DLG2: variants seen among roughly 807,000 people sequenced by gnomAD.
DLG2 encodes discs large MAGUK scaffold protein 2.
In DLG2, 45 loss-of-function variants were observed where a neutral mutation model predicts 132.5. That is an observed-to-expected ratio of 0.34 (90% CI 0.27 to 0.44). The LOEUF (loss-of-function observed/expected upper bound fraction) is 0.44. Ranked by LOEUF, DLG2 falls within the 20% of genes least tolerant of loss-of-function variation. The probability of loss-of-function intolerance (pLI) is 1.00; values close to 1 mark genes in which losing one functional copy is unlikely to be tolerated. For synonymous variants in DLG2, 424 were observed against 419.6 expected (o/e 1.01, Z -0.13); for missense variants, 1,045 against 1,196.9 (o/e 0.87, Z 1.87).
intron 7 of DLG2, among the ~76,000 whole-genome samples, chr11:84,402,778 A>T (rs2098834379): frequency 6.6e-6 from 1 of 150,518 alleles, no homozygotes; most frequent in African/African-American, 2.4e-5. Flanking sequence ...GCTACTCGGG[A>T]GGCTGAGGCA....
At chr11:85,056,939 A>G (rs2063522168) in intron 6 of DLG2, among the ~76,000 whole-genome samples, 1 of 151,934 alleles carries the variant, frequency 6.6e-6, no homozygotes, top group Non-Finnish European at 1.5e-5. Flanking sequence ...ATTTTAAAAA[A>G]TACTAAAGAG....
At chr11:83,705,547 A>T (rs1467503507) in intron 18 of DLG2, among the ~76,000 whole-genome samples, 1 of 152,150 alleles carries the variant, frequency 6.6e-6, no homozygotes, top group Non-Finnish European at 1.5e-5. Context: ...TGTTATTGTG[A>T]TAATAAAACA....
chr11:85,306,405 G>C (rs1257526996), intron 3 of DLG2, among the ~76,000 whole-genome samples: 3 of 152,096 alleles, frequency 2.0e-5, no homozygotes, highest in East Asian at 3.9e-4. Flanking sequence ...GTTTGAGATG[G>C]GTATTAAAAA....
intron 9 of DLG2, among the ~76,000 whole-genome samples, chr11:84,114,572 A>C (rs1459739636): frequency 6.6e-6 from 1 of 152,186 alleles, no homozygotes; most frequent in African/African-American, 2.4e-5. Flanking sequence ...AACATGCTAT[A>C]AGGAATCAAC....
chr11:84,680,158 A>G (rs1288376531), intron 6 of DLG2, among the ~76,000 whole-genome samples: 3 of 152,106 alleles, frequency 2.0e-5, no homozygotes, highest in Non-Finnish European at 4.4e-5. Flanking sequence ...CCTCTGTTCA[A>G]ACCATAGTCA....
chr11:84,162,414 C>T (rs1596389404), intron 9 of DLG2, among the ~76,000 whole-genome samples: 1 of 151,420 alleles, frequency 6.6e-6, no homozygotes, highest in Admixed American at 6.6e-5. Flanking sequence ...TCTAGGTAGA[C>T]CTTCTATCCT....
chr11:84,858,004 T>C (rs2083026214), intron 6 of DLG2, among the ~76,000 whole-genome samples: 1 of 151,946 alleles, frequency 6.6e-6, no homozygotes, highest in South Asian at 2.1e-4. Context: ...GCTATCCACC[T>C]TTTTTAGCCT....
At chr11:85,497,238 C>T (rs1565586163) in intron 3 of DLG2, among the ~76,000 whole-genome samples, 1 of 151,560 alleles carries the variant, frequency 6.6e-6, no homozygotes, top group Non-Finnish European at 1.5e-5. Context: ...ACTTAAATGA[C>T]CTGATGGAGC....
intron 7 of DLG2, among the ~76,000 whole-genome samples, chr11:84,447,631 G>A (rs556326271): frequency 2.0e-5 from 3 of 151,946 alleles, no homozygotes; most frequent in Admixed American, 6.6e-5. Flanking sequence ...TGAGCCTTAT[G>A]AGTAGTTTTT....
intron 3 of DLG2, among the ~76,000 whole-genome samples, chr11:85,295,485 G>C (rs984200646): frequency 8.5e-5 from 13 of 152,140 alleles, no homozygotes; most frequent in Admixed American, 6.6e-5. Flanking sequence ...TATGAGACAT[G>C]TAGGTTACAC....
At chr11:85,485,095 C>T (rs1307034713) in intron 3 of DLG2, among the ~76,000 whole-genome samples, 2 of 151,806 alleles carry the variant, frequency 1.3e-5, no homozygotes, top group East Asian at 1.9e-4. Context: ...AGCAAACTAT[C>T]GCAAGGACAA....
intron 17 of DLG2, among the ~76,000 whole-genome samples, chr11:83,805,805 C>G (rs1403808043): frequency 6.6e-6 from 1 of 152,058 alleles, no homozygotes; most frequent in South Asian, 2.1e-4. Flanking sequence ...TTTTTAAGAC[C>G]AGATACTTCT....
chr11:84,326,271 G>A (rs1403466666), intron 7 of DLG2, among the ~76,000 whole-genome samples: 1 of 150,372 alleles, frequency 6.7e-6, no homozygotes, highest in African/African-American at 2.4e-5. Context: ...TGCTAACTTT[G>A]TGCTTAGTTT....
chr11:84,245,072 A>G (rs2097284830), intron 8 of DLG2, among the ~76,000 whole-genome samples: 1 of 152,208 alleles, frequency 6.6e-6, no homozygotes, highest in Admixed American at 6.5e-5. Flanking sequence ...GCTGGTATCA[A>G]TCAGCAGTGC....
At chr11:84,600,216 G>C (rs1038249708) in intron 6 of DLG2, among the ~76,000 whole-genome samples, 1 of 132,932 alleles carries the variant, frequency 7.5e-6, no homozygotes, top group Admixed American at 7.3e-5. Context: ...AAGAAAGAAA[G>C]AAAGAAAGAG....
intron 18 of DLG2, among the ~76,000 whole-genome samples, chr11:83,718,200 G>C (rs536688971): frequency 6.6e-6 from 1 of 152,272 alleles, no homozygotes; most frequent in African/African-American, 2.4e-5. Flanking sequence ...AGTAGAGACG[G>C]CTTCTCAGAG....
chr11:85,305,978 TTCCAGAA>T (rs1464660539), intron 3 of DLG2, among the ~76,000 whole-genome samples: 1 of 152,186 alleles, frequency 6.6e-6, no homozygotes, highest in African/African-American at 2.4e-5. Context: ...AGAAGATACA[TTCCAGAA>T]TCCAACTTGG....
intron 15 of DLG2, among the ~76,000 whole-genome samples, chr11:83,903,355 A>C (rs1404181505): frequency 6.6e-6 from 1 of 152,110 alleles, no homozygotes; most frequent in Non-Finnish European, 1.5e-5. Flanking sequence ...TTATATCAAG[A>C]ATATTTGAAG....
At chr11:84,560,719 T>C (rs2099425971) in intron 6 of DLG2, among the ~76,000 whole-genome samples, 1 of 152,108 alleles carries the variant, frequency 6.6e-6, no homozygotes, top group African/African-American at 2.4e-5. Flanking sequence ...AGTTAATTTA[T>C]GTATGAGCAT....
Sources: allele counts gnomAD v4.1 joint callset (sites outside exome capture counted in the v4.1 genomes callset), GRCh38; gene constraint gnomAD v4.1.1; transcripts MANE v1.5; gene names NCBI Gene and HGNC (gene_info 2026-07-23, HGNC 2026-07-21).